DSG2: variants seen among roughly 807,000 people sequenced by gnomAD.
The protein encoded by DSG2 is desmoglein-2.
In DSG2, 45 loss-of-function variants were observed where a neutral mutation model predicts 75.6. The ratio of observed to expected loss-of-function variants is 0.60; its 90% confidence interval spans 0.47 to 0.76. The LOEUF is 0.76. Ranked by LOEUF, DSG2 falls within the 30% of genes least tolerant of loss-of-function variation. The probability of loss-of-function intolerance (pLI) is 0.00; values close to 1 mark genes in which losing one functional copy is unlikely to be tolerated. For synonymous variants in DSG2, 429 were observed against 483.9 expected (o/e 0.89, Z 1.49); for missense variants, 1,267 against 1,357.4 (o/e 0.93, Z 1.05).
chr18:31,523,626 G>A (rs1349991540), intron 6 of DSG2, among the ~76,000 whole-genome samples: 1 of 152,156 alleles, frequency 6.6e-6, no homozygotes. Context: ...AATAATAATG[G>A]CTGTTAACTT....
chr18:31,538,003 GA>G (rs765730953), intron 11 of DSG2, among the ~76,000 whole-genome samples: 211 of 151,568 alleles, frequency 1.4e-3, no homozygotes, highest in Non-Finnish European at 1.9e-3. Context: ...CAAAAAATAA[GA>G]AGAAGAAGAA....
intron 1 of DSG2, among the ~76,000 whole-genome samples, chr18:31,509,442 A>C (rs201962824): frequency 1.6e-5 from 2 of 123,888 alleles, no homozygotes; most frequent in Non-Finnish European, 3.5e-5. Flanking sequence ...CTTTTTTTTT[A>C]AATTAGCAAT....
intron 11 of DSG2, 86 bp downstream of exon 11, chr18:31,536,515 T>C: frequency 1.5e-6 from 2 of 1,347,624 alleles, no homozygotes; most frequent in South Asian, 1.3e-5. Flanking sequence ...TTCTCATAAA[T>C]TATATTTCCA....
chr18:31,509,805 G>A (rs2073057367), intron 1 of DSG2, among the ~76,000 whole-genome samples: 1 of 152,166 alleles, frequency 6.6e-6, no homozygotes. Context: ...CTTCTTTGTG[G>A]CTATGGACGC....
chr18:31,500,562 C>G (rs1045823255), intron 1 of DSG2, among the ~76,000 whole-genome samples: 4 of 152,144 alleles, frequency 2.6e-5, no homozygotes, highest in Non-Finnish European at 4.4e-5. Flanking sequence ...CCAGGAGGCA[C>G]AGAGCTCTGT....
intron 11 of DSG2, among the ~76,000 whole-genome samples, chr18:31,537,079 G>A (rs2073235493): frequency 6.6e-6 from 1 of 152,004 alleles, no homozygotes; most frequent in African/African-American, 2.4e-5. Context: ...ATGCAGAAAA[G>A]TCTATCCAGA....
intron 12 of DSG2, 139 bp from the exon 13 acceptor site, chr18:31,541,054 G>T (rs1170872060): frequency 2.7e-6 from 3 of 1,093,952 alleles, no homozygotes; most frequent in Non-Finnish European, 4.0e-6. Context: ...GTTGGATCAG[G>T]GTGAAGAAAA....
chr18:31,531,192 G>T lies in DSG2; in HGVS notation c.1220G>T (p.Gly407Val). ...VSESMDRSSK[G>V]QIIGNFQAFD... ...GAGAGCATGGATAGATCAAGCAAAG[G>T]CCAAATAATTGGAAATTTTCAAGCT... Residue 407 changes from glycine to valine, a missense_variant, in exon 9 of 15, where the codon GGC becomes GTC. Transcript: ENST00000261590. The T allele has an allele frequency of 3.7e-6, 6 of 1,614,146 alleles. No individual in the cohort carries two copies. Among genetic ancestry groups the T allele is most frequent in the Non-Finnish European group, 5.1e-6 (6 of 1,180,022 alleles).
chr18:31,521,067 TAAATC>T lies in DSG2; in HGVS notation c.379-31_379-27del, dbSNP rs757405510. On this transcript the variant is annotated intron_variant, in intron 4 of 14. Transcript: ENST00000261590. Reference sequence around the variant, plus strand: ...GTATGGTAATTTAGTTTTCTTAGCTTAAATCTAATCTTATTTATGTCATGATTTCA... The same window carrying T: ...GTATGGTAATTTAGTTTTCTTAGCTTTAATCTTATTTATGTCATGATTTCA... 6 of 1,613,284 alleles carry T rather than the reference TAAATC, an allele frequency of 3.7e-6. No homozygotes were observed. The Admixed American group carries it at 6.7e-5, about 18-fold the overall frequency.
intron 1 of DSG2, among the ~76,000 whole-genome samples, chr18:31,500,036 T>TAAA (rs10625787): frequency 0.35 from 38,716 of 110,364 alleles, 6,049 homozygotes; most frequent in Non-Finnish European, 0.39. Flanking sequence ...AGTTTTTTGG[T>TAAA]AAAAAAAAAA....
At chr18:31,517,293 G>T (rs1325803896) in intron 1 of DSG2, among the ~76,000 whole-genome samples, 1 of 152,150 alleles carries the variant, frequency 6.6e-6, no homozygotes, top group African/African-American at 2.4e-5. Context: ...GGGAAGAAAA[G>T]AATTGATTAA....
chr18:31,512,626 T>C (rs978499157), intron 1 of DSG2, among the ~76,000 whole-genome samples: 7 of 152,240 alleles, frequency 4.6e-5, no homozygotes, highest in Non-Finnish European at 1.0e-4. Context: ...TCTCCCTGAC[T>C]GGGTACTGGC....
At chr18:31,512,671 C>T (rs1301332077) in intron 1 of DSG2, among the ~76,000 whole-genome samples, 1 of 152,262 alleles carries the variant, frequency 6.6e-6, no homozygotes, top group Non-Finnish European at 1.5e-5. Context: ...TGATTCACCA[C>T]CGCATGGCCT....
intron 11 of DSG2, among the ~76,000 whole-genome samples, chr18:31,537,622 A>G (rs1035533485): frequency 1.1e-4 from 17 of 152,176 alleles, no homozygotes; most frequent in Admixed American, 6.5e-4. Context: ...CTGTCTCAAA[A>G]AAAAAACTCC....
rs1304779456 is a variant in DSG2, at chr18:31,522,733, A to G, written c.690+484A>G. On this transcript the variant is annotated intron_variant, in intron 6 of 14. Transcript: ENST00000261590. ...ACTAGAGGTTCCTAAAACATTTCTC[A>G]GTTTGCAGTTCTCTAATGAAACATT... The G allele has an allele frequency of 3.2e-5, 5 of 155,966 alleles. No individual in the cohort carries two copies. In the East Asian group the frequency reaches 7.5e-4, roughly 24 times the overall value. The allele number at this position is 155,966 out of a possible 1,614,324, so 9.7% of individuals were successfully genotyped here.
At chr18:31,537,535 C>T (rs1420539260) in intron 11 of DSG2, among the ~76,000 whole-genome samples, 1 of 151,580 alleles carries the variant, frequency 6.6e-6, no homozygotes, top group African/African-American at 2.4e-5. Context: ...AGGAGAATGG[C>T]ATGAACCCAG....
chr18:31,516,237 G>C (rs1472094660), intron 1 of DSG2, among the ~76,000 whole-genome samples: 1 of 152,074 alleles, frequency 6.6e-6, no homozygotes, highest in Non-Finnish European at 1.5e-5. Context: ...GAAGATAAAA[G>C]GTTAGTGGAA....
At chr18:31,504,536 T>A (rs1413037708) in intron 1 of DSG2, among the ~76,000 whole-genome samples, 4 of 151,056 alleles carry the variant, frequency 2.6e-5, no homozygotes, top group South Asian at 4.2e-4. Flanking sequence ...CACCCCTTTT[T>A]ATCTGGCCTA....
rs768150787 is a variant in DSG2 at position 31,538,962 on chromosome 18, C to G, written c.1863C>G (p.Ala621=). The change falls in exon 12 of 15, where the codon GCC becomes GCG. Residue 621 remains alanine (A), a synonymous_variant. Transcript: ENST00000261590. ...GPAAIALMIL[A]FLLLLLVPLL... is the part of the protein sequence containing the mutation. ...CAGCAATTGCGCTCATGATTTTGGC[C>G]TTTCTGCTCCTGCTATGTAAGTCTT... is the stretch of plus-strand genomic sequence containing the variant. 6.2e-6 allele frequency: 10 copies of G among 1,613,708 alleles called. No individual in the cohort carries two copies. Among genetic ancestry groups the G allele is most frequent in the Non-Finnish European group, 8.5e-6 (10 of 1,180,030 alleles).
Sources: allele counts gnomAD v4.1 joint callset (sites outside exome capture counted in the v4.1 genomes callset), GRCh38; gene constraint gnomAD v4.1.1; transcripts MANE v1.5; gene names NCBI Gene and HGNC (gene_info 2026-07-23, HGNC 2026-07-21).